The following ADAMTS5 variants were observed in gnomAD, a reference collection of about 807,000 sequenced individuals.
ADAMTS5 encodes A disintegrin and metalloproteinase with thrombospondin motifs 5.
A neutral mutation model predicts 81.4 loss-of-function variants in ADAMTS5; 54 were observed. The observed-to-expected ratio is 0.66, with a 90% CI of 0.53 to 0.83. The LOEUF (loss-of-function observed/expected upper bound fraction) is 0.83. Among genes scored for constraint, ADAMTS5 ranks in the 40% least tolerant of loss-of-function variants. The pLI is 0.00. For synonymous variants in ADAMTS5, 532 were observed against 508.8 expected, an observed-to-expected ratio of 1.05 and a Z score of -0.61; for missense variants, 1,194 against 1,229.9, an observed-to-expected ratio of 0.97 and a Z score of 0.44.
chr21:26,945,970 C>T (rs773058237), intron 2 of ADAMTS5, among the ~76,000 whole-genome samples: 4 of 152,174 alleles, frequency 2.6e-5, no homozygotes, highest in East Asian at 1.9e-4. Context: ...CTTTTGAGGG[C>T]GAATGAACAC....
Position 26,965,986 on chromosome 21 carries a change from C to A in ADAMTS5, c.406G>T (p.Val136Leu), listed in dbSNP as rs755194596. ...HRSHCFYRGT[V>L]DGSPRSLAVF... is the part of the protein sequence containing the mutation. The stretch of plus-strand genomic sequence containing the variant: ...GCCAGAGAGCGGGGACTACCGTCCA[C>A]TGTGCCCCGATAGAAGCAGTGGCTC... The change falls in exon 1 of 8, where the codon GTG (valine) becomes TTG (leucine). Residue 136 changes from valine to leucine, a missense_variant. Val to Leu is a conservative substitution (Grantham distance 32). Around this residue, in one of 2 missense-constraint regions of ADAMTS5, gnomAD observed 498 missense variants for 412.3 expected, o/e 1.21. Transcript: ENST00000284987. 4 of 1,613,200 alleles carry A rather than the reference C, an allele frequency of 2.5e-6. 1 individual carries two copies. In the South Asian group the frequency reaches 4.4e-5, roughly 18 times the overall value.
chr21:26,962,741 C>A (rs1987552801), intron 1 of ADAMTS5, among the ~76,000 whole-genome samples: 1 of 152,184 alleles, frequency 6.6e-6, no homozygotes, highest in African/African-American at 2.4e-5. Flanking sequence ...AAAGTAGAAT[C>A]TTGGTGCCAA....
intron 1 of ADAMTS5, among the ~76,000 whole-genome samples, chr21:26,959,398 A>G (rs1987484442): frequency 6.6e-6 from 1 of 152,196 alleles, no homozygotes; most frequent in African/African-American, 2.4e-5. Context: ...ATTAAAGCTC[A>G]GGGGCATTAA....
rs374203818 is a variant in ADAMTS5 at position 26,930,016 on chromosome 21, C to T, written c.2095G>A (p.Val699Ile). ...CCAGTTCTCACACACTTCCCCCGGA[C>T]GCAGACGGAATTACTGTACAGCCTA... is the stretch of plus-strand genomic sequence containing the variant. ...ECRLYSNSVC[V>I]RGKCVRTGCD... The change falls in exon 7 of 8, where the codon GTC becomes ATC. Residue 699 changes from valine to isoleucine, a missense_variant. This residue lies in a region of ADAMTS5 where 696 missense variants were observed against 817.6 expected (regional missense o/e 0.85). Coordinates refer to ENST00000284987, the MANE Select transcript of ADAMTS5 (RefSeq NM_007038.5). The T allele has an allele frequency of 8.4e-5, 136 of 1,613,868 alleles. No individual in the cohort carries two copies. The highest frequency in any genetic ancestry group is 3.0e-4 in the Admixed American group (18 of 60,006).
chr21:26,945,646 G>A (rs1031398007), intron 2 of ADAMTS5, among the ~76,000 whole-genome samples: 2 of 152,142 alleles, frequency 1.3e-5, no homozygotes. Context: ...TTTCAGAGAG[G>A]TGAAGCATGT....
intron 1 of ADAMTS5, among the ~76,000 whole-genome samples, chr21:26,959,518 G>A (rs988470410): frequency 3.9e-5 from 6 of 152,102 alleles, no homozygotes; most frequent in African/African-American, 1.2e-4. Context: ...CATCACATAC[G>A]TTATTCTTGA....
chr21:26,960,939 T>A (rs887395380), intron 1 of ADAMTS5, among the ~76,000 whole-genome samples: 3 of 152,298 alleles, frequency 2.0e-5, no homozygotes, highest in Admixed American at 6.5e-5. Flanking sequence ...CTAATGCACT[T>A]CCATAATACC....
chr21:26,966,966 A>AG lies in ADAMTS5; in HGVS notation c.-576dup, dbSNP rs1231209714. Among the ~76,000 whole-genome samples the AG allele has an allele frequency of 2.6e-5, 4 of 152,220 alleles. No individual in the cohort carries two copies. Among genetic ancestry groups the AG allele is most frequent in the South Asian group, 2.1e-4 (1 of 4,824 alleles). ...GCCGTAAAAATTAAAACAAAAATGCAGGGGGGCAGCCTGAGGCGAGCTGGT... is the reference window on the plus strand; with the variant it reads ...GCCGTAAAAATTAAAACAAAAATGCAGGGGGGGCAGCCTGAGGCGAGCTGGT... On this transcript the variant is annotated 5_prime_UTR_variant, in exon 1 of 8. The change abolishes the stop of an existing upstream ORF in the 5' untranslated region. Coordinates refer to ENST00000284987, the MANE Select transcript of ADAMTS5 (RefSeq NM_007038.5).
Position 26,932,091 on chromosome 21 carries a change from G to A in ADAMTS5, c.1962C>T (p.Pro654=), listed in dbSNP as rs769655959. Residue 654 remains proline (P), a synonymous_variant, in exon 6 of 8, where the codon CCC becomes CCT. Coordinates refer to ENST00000284987, the MANE Select transcript of ADAMTS5 (RefSeq NM_007038.5). The part of the protein sequence containing the change: ...KGVKTFVEWV[P]KYAGVLPADV... ...CCGCTGGCAGGACACCTGCATATTTGGGAACCCATTCCACAAAAGTTTTGA... is the reference window on the plus strand; with the variant it reads ...CCGCTGGCAGGACACCTGCATATTTAGGAACCCATTCCACAAAAGTTTTGA... 36 of 1,614,140 alleles carry A rather than the reference G, an allele frequency of 2.2e-5. No homozygotes were observed. Among genetic ancestry groups the A allele is most frequent in the Non-Finnish European group, 2.8e-5 (33 of 1,180,010 alleles).
Position 26,960,869 on chromosome 21 carries a change from C to T in ADAMTS5, c.1104+4419G>A, listed in dbSNP as rs187342817. ...GTCTGCAATGCCTATCTCCTCCTTA[C>T]GTATCTGGCTAACTCCCACTCTTTC... On this transcript the variant is annotated intron_variant, in intron 1 of 7. Coordinates refer to ENST00000284987, the MANE Select transcript of ADAMTS5 (RefSeq NM_007038.5). 5.8e-4 allele frequency among the ~76,000 whole-genome samples: 88 copies of T among 152,300 alleles called. No individual in the cohort carries two copies. In the South Asian group the frequency reaches 6.0e-3, roughly 10 times the overall value.
At chr21:26,944,866 G>A (rs868024437) in intron 2 of ADAMTS5, among the ~76,000 whole-genome samples, 1 of 152,052 alleles carries the variant, frequency 6.6e-6, no homozygotes, top group South Asian at 2.1e-4. Flanking sequence ...GCAACTGACT[G>A]CTGTTATGGC....
chr21:26,929,313 A>G (rs1404434862), intron 7 of ADAMTS5, among the ~76,000 whole-genome samples: 1 of 152,184 alleles, frequency 6.6e-6, no homozygotes, highest in Non-Finnish European at 1.5e-5. Context: ...GGAAATTGGT[A>G]CTTCATAAAC....
At chr21:26,960,646 C>A (rs1987512506) in intron 1 of ADAMTS5, among the ~76,000 whole-genome samples, 2 of 152,216 alleles carry the variant, frequency 1.3e-5, no homozygotes, top group Non-Finnish European at 2.9e-5. Flanking sequence ...GAGCCTTGGT[C>A]TTGGACTTTC....
At chr21:26,942,956 G>C (rs1203688825) in intron 3 of ADAMTS5, among the ~76,000 whole-genome samples, 1 of 152,126 alleles carries the variant, frequency 6.6e-6, no homozygotes, top group Non-Finnish European at 1.5e-5. Flanking sequence ...AGAGAATCCA[G>C]TAGAATTGTC....
chr21:26,947,541 C>G (rs1383712777), intron 2 of ADAMTS5, among the ~76,000 whole-genome samples: 1 of 151,726 alleles, frequency 6.6e-6, no homozygotes, highest in African/African-American at 2.4e-5. Flanking sequence ...TCAAGTGATT[C>G]TCCTGCCTCA....
intron 2 of ADAMTS5, among the ~76,000 whole-genome samples, chr21:26,952,357 T>C (rs1331736858): frequency 6.6e-6 from 1 of 152,198 alleles, no homozygotes; most frequent in Admixed American, 6.5e-5. Context: ...TACACACACA[T>C]GTATATATTT....
Position 26,924,156 on chromosome 21 carries a change from G to A in ADAMTS5, c.2690C>T (p.Thr897Ile). 6.2e-7 allele frequency: 1 copy of A among 1,614,168 alleles called. No individual in the cohort carries two copies. The highest frequency in any genetic ancestry group is 8.5e-7 in the Non-Finnish European group (1 of 1,179,992). Reference protein sequence around the residue: ...CSRTCDTGWHTRTVQCQDGNR... With the variant: ...CSRTCDTGWHIRTVQCQDGNR... The stretch of plus-strand genomic sequence containing the variant: ...TCCATCCTGGCACTGCACCGTTCTG[G>A]TGTGCCAACCTGTGTCACAGGTCCT... Residue 897 changes from threonine to isoleucine, a missense_variant, in exon 8 of 8, where the codon ACC (threonine) becomes ATC (isoleucine). By Grantham distance (89) the Thr-to-Ile change is moderately conservative. Coordinates refer to ENST00000284987, the MANE Select transcript of ADAMTS5 (RefSeq NM_007038.5).
intron 1 of ADAMTS5, among the ~76,000 whole-genome samples, chr21:26,956,660 T>G (rs1225021555): frequency 7.2e-6 from 1 of 139,160 alleles, no homozygotes; most frequent in Admixed American, 7.1e-5. Context: ...TCTGCACACA[T>G]TTTTTTTAAA....
In ADAMTS5 at chr21:26,954,826, C is replaced by A. The variant is rs752810236; in HGVS notation, c.1150G>T (p.Val384Phe). 6 of 1,614,100 alleles carry A rather than the reference C, an allele frequency of 3.7e-6. No homozygotes were observed. The highest frequency in any genetic ancestry group is 3.4e-6 in the Non-Finnish European group (4 of 1,180,010). ...HSCDTLGMAD[V>F]GTICSPERSC... ...CGCTCTGGAGAACATATGGTCCCAA[C>A]GTCTGCCATTCCCAGGGTGTCACAT... The change falls in exon 2 of 8, where the codon GTT becomes TTT. Residue 384 changes from valine to phenylalanine, a missense_variant. Physicochemically the swap from Val to Phe is conservative, Grantham distance 50. Coordinates refer to ENST00000284987, the MANE Select transcript of ADAMTS5 (RefSeq NM_007038.5).
Sources: allele counts gnomAD v4.1 joint callset (sites outside exome capture counted in the v4.1 genomes callset), GRCh38; gene constraint gnomAD v4.1.1; regional missense constraint gnomAD v4.1.1; transcripts MANE v1.5; gene names NCBI Gene and HGNC (gene_info 2026-07-23, HGNC 2026-07-21).